Variants in POLR2J observed in about 807,000 individuals in gnomAD.
POLR2J encodes the protein DNA-directed RNA polymerase II subunit RPB11-a.
Under a neutral mutation model 13.4 loss-of-function variants are expected in POLR2J, and 12 were observed. That is an observed-to-expected ratio of 0.90 (90% CI 0.57 to 1.45). The LOEUF is 1.45. POLR2J is among the 40% of genes most tolerant of loss of function. POLR2J has a pLI of 0.00. For missense variants in POLR2J, 58 were observed against 132.0 expected, an observed-to-expected ratio of 0.44 and a Z score of 2.75; for synonymous variants, 31 against 53.6, an observed-to-expected ratio of 0.58 and a Z score of 1.84.
intron 3 of POLR2J, chr7:102,473,974 C>G: frequency 7.0e-7 from 1 of 1,435,546 alleles, no homozygotes; most frequent in South Asian, 1.5e-5. Context: ...TTCTAGATTC[C>G]CATGCGCCCT....
Position 102,474,382 on chromosome 7 carries a change from G to C in POLR2J, c.297C>G (p.Ser99=), listed in dbSNP as rs1339230048. The C allele has an allele frequency of 1.7e-5, 28 of 1,611,682 alleles. No homozygotes were observed. Among genetic ancestry groups the C allele is most frequent in the Non-Finnish European group, 2.4e-5 (28 of 1,179,666 alleles). Reference sequence around the variant, plus strand: ...TCACCCGAAAGCGCTCCTCCAGCAGGGACAGCTCACTGATGAGGTCGGTGA... The same window carrying C: ...TCACCCGAAAGCGCTCCTCCAGCAGCGACAGCTCACTGATGAGGTCGGTGA... ...NAITDLISEL[S]LLEERFRVAI... The change falls in exon 3 of 4, where the codon TCC becomes TCG. Residue 99 remains serine, a synonymous_variant. Coordinates refer to ENST00000292614, the MANE Select transcript of POLR2J (RefSeq NM_006234.6).
At position 102,478,909 on chromosome 7, in the gene POLR2J, A is replaced by G. The variant is rs1159792750; in HGVS notation, c.-49T>C. On this transcript the variant is annotated 5_prime_UTR_variant, in exon 1 of 4. Coordinates refer to ENST00000292614, the MANE Select transcript of POLR2J (RefSeq NM_006234.6). ...ACCCCAAGGGTCCGCCGCCGCCGCC[A>G]CCAGAGCCCTAATAAGAGGCCTCTT... The G allele has an allele frequency of 1.2e-6, 2 of 1,608,886 alleles. No homozygotes were observed. The highest frequency in any genetic ancestry group is 8.5e-7 in the Non-Finnish European group (1 of 1,179,108).
In POLR2J at chr7:102,473,150, ACT is replaced by A; in HGVS notation, c.*497_*498del. ...GTCTTTCAGTGAATATTTTTATTAA[ACT>A]CTACTGTGGACAAGAAGCCTGTGGA... On this transcript the variant is annotated 3_prime_UTR_variant, in exon 4 of 4. Coordinates refer to ENST00000292614, the MANE Select transcript of POLR2J (RefSeq NM_006234.6). The A allele has an allele frequency of 3.0e-6, 4 of 1,325,756 alleles. No homozygotes were observed. Among genetic ancestry groups the A allele is most frequent in the East Asian group, 2.4e-5 (1 of 42,340 alleles). The allele number at this position is 1,325,756 out of a possible 1,614,324, so 82.1% of individuals were successfully genotyped here. A position where few individuals can be genotyped will look rare whatever the true frequency, so the allele number is the denominator to read the frequency against.
rs574851774 is a variant in POLR2J, at chr7:102,474,170, G to A, written c.318+191C>T. The A allele has an allele frequency of 2.3e-5, 36 of 1,541,040 alleles. No individual in the cohort carries two copies. The South Asian group carries it at 4.0e-4, about 17-fold the overall frequency. ...CTACAGAAGTCCCATGGGGCAGACG[G>A]GAGCCACAGGCCCAGACTCCACAGC... On this transcript the variant is annotated intron_variant, in intron 3 of 3. Transcript: ENST00000292614.
At chr7:102,474,254 G>T in intron 3 of POLR2J, 107 bp downstream of exon 3, 1 of 1,604,494 alleles carries the variant, frequency 6.2e-7, no homozygotes, top group Non-Finnish European at 8.5e-7. Flanking sequence ...CATCACTGCC[G>T]CCTCTCCCCC....
At chr7:102,473,767 C>T in intron 3 of POLR2J, 83 bp from the exon 4 acceptor site, 3 of 1,581,176 alleles carry the variant, frequency 1.9e-6, no homozygotes, top group Admixed American at 3.7e-5. Flanking sequence ...ATCCCCCCCG[C>T]CAGGCCCTTC....
intron 1 of POLR2J, among the ~76,000 whole-genome samples, chr7:102,477,317 T>TA (rs1798459893): frequency 9.7e-6 from 1 of 102,950 alleles, no homozygotes; most frequent in Non-Finnish European, 2.3e-5. Context: ...ACCTCCCACT[T>TA]ACTGGACCCA....
chr7:102,474,209 T>G (rs1798342572), intron 3 of POLR2J, 152 bp downstream of exon 3: 1 of 1,554,780 alleles, frequency 6.4e-7, no homozygotes, highest in African/African-American at 1.4e-5. Context: ...TCAGTCCACA[T>G]GTCCTGGAGC....
At chr7:102,473,858 C>G (rs1586748268) in intron 3 of POLR2J, 174 bp from the exon 4 acceptor site, 2 of 1,444,820 alleles carry the variant, frequency 1.4e-6, no homozygotes, top group Admixed American at 2.8e-5. Flanking sequence ...TCCAGCCATT[C>G]TCTATGGCAG....
At position 102,478,867 on chromosome 7, in the gene POLR2J, G is replaced by A. The variant is rs774764865; in HGVS notation, c.-7C>T. 3.7e-6 allele frequency: 6 copies of A among 1,610,422 alleles called. No homozygotes were observed. The highest frequency in any genetic ancestry group is 2.7e-5 in the African/African-American group (2 of 74,836). On this transcript the variant is annotated 5_prime_UTR_variant, in exon 1 of 4. Transcript: ENST00000292614. ...AGGCTGGAGGGGCGTTCATGCTCCC[G>A]CCGCCGTTGCGTCCAGACCCCAAGG... is the stretch of plus-strand genomic sequence containing the variant.
chr7:102,473,781 G>C, intron 3 of POLR2J, 97 bp from the exon 4 acceptor site: 1 of 1,563,190 alleles, frequency 6.4e-7, no homozygotes, highest in Non-Finnish European at 8.7e-7. Flanking sequence ...GCCCTTCCTG[G>C]AGGGCAGCCA....
chr7:102,473,510 C>A lies in POLR2J; in HGVS notation c.*139G>T. 7.7e-7 allele frequency: 1 copy of A among 1,303,522 alleles called. No individual in the cohort carries two copies. The highest frequency in any genetic ancestry group is 1.1e-6 in the Non-Finnish European group (1 of 950,702). The allele number at this position is 1,303,522 out of a possible 1,614,324, so 80.7% of individuals were successfully genotyped here. On this transcript the variant is annotated 3_prime_UTR_variant, in exon 4 of 4. Coordinates refer to ENST00000292614, the MANE Select transcript of POLR2J (RefSeq NM_006234.6). ...TAAAACCTAATCTATGTACAGGACA[C>A]GTCGGTGTCAGGGTGAGGGGTGGCC...
At position 102,473,679 on chromosome 7, in the gene POLR2J, G is replaced by A. The variant is rs2133279940; in HGVS notation, c.324C>T (p.Ala108=). The A allele has an allele frequency of 1.9e-6, 3 of 1,613,866 alleles. No individual in the cohort carries two copies. The highest frequency in any genetic ancestry group is 2.2e-5 in the East Asian group (1 of 44,856). The part of the protein sequence containing the change: ...LSLLEERFRV[A]IKDKQEGIE ...CAATTCCTTCCTGCTTGTCTTTTAT[G>A]GCCACCTGGGAGAGAAGAAGGTGGT... The change falls in exon 4 of 4, where the codon GCC becomes GCT. Residue 108 remains alanine, a synonymous_variant. Coordinates refer to ENST00000292614, the MANE Select transcript of POLR2J (RefSeq NM_006234.6).
intron 1 of POLR2J, among the ~76,000 whole-genome samples, chr7:102,476,582 T>C: frequency 7.2e-6 from 1 of 138,970 alleles, no homozygotes; most frequent in African/African-American, 2.8e-5. Context: ...GGAGTTGCAG[T>C]GAGCCGAGAT....
At chr7:102,474,850 G>T (rs1798375268) in intron 2 of POLR2J, among the ~76,000 whole-genome samples, 1 of 147,174 alleles carries the variant, frequency 6.8e-6, no homozygotes, top group Non-Finnish European at 1.5e-5. Flanking sequence ...AGTGTTCAGT[G>T]ACTCAGACCC....
chr7:102,473,921 A>G, intron 3 of POLR2J: 1 of 1,435,108 alleles, frequency 7.0e-7, no homozygotes, highest in Non-Finnish European at 9.1e-7. Flanking sequence ...GACGACTCAG[A>G]CGTTGAAATC....
rs913474704 is a variant in POLR2J at position 102,473,581 on chromosome 7, A to T, written c.*68T>A. The T allele has an allele frequency of 1.3e-6, 2 of 1,519,838 alleles. No individual in the cohort carries two copies. The highest frequency in any genetic ancestry group is 1.8e-6 in the Non-Finnish European group (2 of 1,142,256). 94.1% of individuals were successfully genotyped at this position (1,519,838 alleles called of 1,614,324 possible). On this transcript the variant is annotated 3_prime_UTR_variant, in exon 4 of 4. Coordinates refer to ENST00000292614, the MANE Select transcript of POLR2J (RefSeq NM_006234.6). Reference sequence around the variant, plus strand: ...GACCGGCCGCTCTCCTCGGTGTGGTACCTGGAGCGGAGGGTCAGGCACAGG... The same window carrying T: ...GACCGGCCGCTCTCCTCGGTGTGGTTCCTGGAGCGGAGGGTCAGGCACAGG...
chr7:102,474,655 A>G lies in POLR2J; in HGVS notation c.144-120T>C, dbSNP rs1485540201. ...ATCCCCCCCAACTTTTTTCCCAAAA[A>G]GTCTTCAAGGAAAGTAACACTTTTA... is the stretch of plus-strand genomic sequence containing the variant. On this transcript the variant is annotated intron_variant, in intron 2 of 3. Coordinates refer to ENST00000292614, the MANE Select transcript of POLR2J (RefSeq NM_006234.6). The G allele has an allele frequency of 2.5e-6, 3 of 1,192,664 alleles. No homozygotes were observed. The East Asian group carries it at 7.3e-5, about 29-fold the overall frequency. 73.9% of individuals were successfully genotyped at this position (1,192,664 alleles called of 1,614,324 possible).
intron 2 of POLR2J, among the ~76,000 whole-genome samples, chr7:102,474,829 A>T (rs1798374624): frequency 6.9e-6 from 1 of 144,492 alleles, no homozygotes; most frequent in Non-Finnish European, 1.6e-5. Context: ...CCAGGCAGTG[A>T]ATGTCCAGCC....
Sources: allele counts gnomAD v4.1 joint callset (sites outside exome capture counted in the v4.1 genomes callset), GRCh38; gene constraint gnomAD v4.1.1; transcripts MANE v1.5; gene names NCBI Gene and HGNC (gene_info 2026-07-23, HGNC 2026-07-21).